Variants in DENND5A observed in about 807,000 individuals in gnomAD.
DENND5A encodes DENN domain containing 5A, also known as DENN domain-containing protein 5A.
Under a neutral mutation model 140.3 loss-of-function variants are expected in DENND5A, and 64 were observed. That is an observed-to-expected ratio of 0.46 (90% CI 0.37 to 0.56). The LOEUF (loss-of-function observed/expected upper bound fraction) is 0.56. DENND5A is among the 20% of genes least tolerant of loss of function. The pLI is 0.00. For synonymous variants in DENND5A, 605 were observed against 607.7 expected (o/e 1.00, Z 0.07); for missense variants, 1,292 against 1,593.8 (o/e 0.81, Z 3.22).
intron 12 of DENND5A, among the ~76,000 whole-genome samples, chr11:9,154,446 G>A (rs1325568775): frequency 6.6e-6 from 1 of 152,076 alleles, no homozygotes; most frequent in African/African-American, 2.4e-5. Context: ...GAATTAATGT[G>A]AAGATTTAAG....
chr11:9,211,826 GGAGGCTGAGGCAGAAGAATCTCTT>G (rs1319096864), intron 1 of DENND5A, among the ~76,000 whole-genome samples: 1 of 151,844 alleles, frequency 6.6e-6, no homozygotes, highest in Non-Finnish European at 1.5e-5. Flanking sequence ...CAGTTACTGG[GGAGGCTGAGGCAGAAGAATCTCTT>G]GAGGTTGAGG....
At chr11:9,184,292 G>A (rs911287189) in intron 5 of DENND5A, among the ~76,000 whole-genome samples, 3 of 152,006 alleles carry the variant, frequency 2.0e-5, no homozygotes, top group African/African-American at 7.2e-5. Context: ...GGCGGAGCTT[G>A]CAGTGAGCCA....
chr11:9,194,690 A>T (rs150315277), intron 4 of DENND5A, among the ~76,000 whole-genome samples: 1 of 151,734 alleles, frequency 6.6e-6, no homozygotes, highest in African/African-American at 2.4e-5. Flanking sequence ...GCTTGTGATC[A>T]TATTTGGCTT....
Position 9,143,007 on chromosome 11 carries a change from G to A in DENND5A, c.3388-162C>T, listed in dbSNP as rs541099427. ...CTGGCACAGTGCCTGGCTCAGAGCA[G>A]CTCCCAGTGAAGAGCTGCTGAATAA... On this transcript the variant is annotated intron_variant, in intron 20 of 22. Coordinates refer to ENST00000328194, the MANE Select transcript of DENND5A (RefSeq NM_015213.4). 8.8e-5 allele frequency: 73 copies of A among 825,154 alleles called. No homozygotes were observed. The African/African-American group carries it at 1.0e-3, about 11-fold the overall frequency. The allele number at this position is 825,154 out of a possible 1,614,324, so 51.1% of individuals were successfully genotyped here.
rs74477828 is a variant in DENND5A, at chr11:9,260,766, A to G, written c.109+4195T>C. Among the ~76,000 whole-genome samples, 185 of 152,366 alleles carry G rather than the reference A, an allele frequency of 1.2e-3. 2 individuals are homozygous for G. In the East Asian group the frequency reaches 0.027, roughly 23 times the overall value. ...AAAGGGAAAGAAGTGACAGGAAGAG[A>G]TTCCTACAAAATCCAATTACCTCAG... On this transcript the variant is annotated intron_variant, in intron 1 of 22. Transcript: ENST00000328194.
At chr11:9,179,587 C>A (rs2136174316) in intron 6 of DENND5A, among the ~76,000 whole-genome samples, 2 of 151,334 alleles carry the variant, frequency 1.3e-5, no homozygotes, top group Middle Eastern at 6.9e-3. Context: ...GCAACCTCTG[C>A]CTCCCAGGTT....
At chr11:9,263,141 T>C (rs4910038) in intron 1 of DENND5A, among the ~76,000 whole-genome samples, 8,944 of 152,278 alleles carry the variant, frequency 0.059, 362 homozygotes, top group South Asian at 0.1. Context: ...CTCCACCTGC[T>C]ATTGAGGAAA....
At chr11:9,251,458 A>C (rs1851716496) in intron 1 of DENND5A, among the ~76,000 whole-genome samples, 1 of 152,176 alleles carries the variant, frequency 6.6e-6, no homozygotes, top group South Asian at 2.1e-4. Flanking sequence ...ACAATATTTG[A>C]GAAACACAAC....
At chr11:9,198,968 A>AATGG (rs1849429690) in intron 4 of DENND5A, among the ~76,000 whole-genome samples, 1 of 137,448 alleles carries the variant, frequency 7.3e-6, no homozygotes, top group Admixed American at 8.1e-5. Flanking sequence ...GAGGCAGGAG[A>AATGG]CTCACTTGAT....
intron 16 of DENND5A, 117 bp from the exon 17 acceptor site, chr11:9,145,932 C>T: frequency 6.4e-6 from 7 of 1,100,514 alleles, no homozygotes; most frequent in Non-Finnish European, 6.7e-6. Context: ...TATCTCAGCT[C>T]AAGCAGAGCC....
chr11:9,204,102 A>G lies in DENND5A; in HGVS notation c.507T>C (p.Ala169=), dbSNP rs1265257480. 1 of 1,614,220 alleles carries G rather than the reference A, an allele frequency of 6.2e-7. No individual in the cohort carries two copies. The highest frequency in any genetic ancestry group is 1.1e-5 in the South Asian group (1 of 91,090). The change falls in exon 4 of 23, where the codon GCT becomes GCC. Residue 169 remains alanine, a synonymous_variant. Coordinates refer to ENST00000328194, the MANE Select transcript of DENND5A (RefSeq NM_015213.4). ...CCATGCTGCTCTGGTCTCTGTCATC[A>G]GCAGGGGGAGCATGTAGGACATCAT... is the stretch of plus-strand genomic sequence containing the variant. ...AEYDVLHAPP[A]DDRDQSSMED...
chr11:9,195,381 C>G (rs2136198774), intron 4 of DENND5A, among the ~76,000 whole-genome samples: 1 of 152,198 alleles, frequency 6.6e-6, no homozygotes, highest in Non-Finnish European at 1.5e-5. Flanking sequence ...TGGCCTAAAA[C>G]TTAAATTTTA....
rs60907416 is a variant in DENND5A, at chr11:9,212,632, G to GA, written c.110-5001dup. Among the ~76,000 whole-genome samples, 15 of 148,200 alleles carry GA rather than the reference G, an allele frequency of 1.0e-4. No homozygotes were observed. The South Asian group carries it at 1.1e-3, about 11-fold the overall frequency. ...GAAAACATGGAACAACACAAGTACT[G>GA]AAAAAAAAACACAAATAAATAAAAA... On this transcript the variant is annotated intron_variant, in intron 1 of 22. Transcript: ENST00000328194.
Position 9,143,505 on chromosome 11 carries a change from C to T in DENND5A, c.3305-20G>A. ...TCAGCTCTAATAAAAATCAAGCAGA[C>T]ATCCCTAACCAATCTCTGAGGCTAA... On this transcript the variant is annotated intron_variant, in intron 19 of 22. Transcript: ENST00000328194. 3 of 1,593,016 alleles carry T rather than the reference C, an allele frequency of 1.9e-6. No homozygotes were observed. Among genetic ancestry groups the T allele is most frequent in the Non-Finnish European group, 2.6e-6 (3 of 1,160,984 alleles).
intron 10 of DENND5A, among the ~76,000 whole-genome samples, chr11:9,166,291 A>G (rs1218648768): frequency 6.6e-6 from 1 of 151,774 alleles, no homozygotes; most frequent in African/African-American, 2.4e-5. Context: ...GTTAGCCAGG[A>G]TGGTCTTTAT....
At chr11:9,169,213 G>A (rs1184152108) in intron 10 of DENND5A, among the ~76,000 whole-genome samples, 3 of 152,162 alleles carry the variant, frequency 2.0e-5, no homozygotes, top group Non-Finnish European at 4.4e-5. Flanking sequence ...TTGCGGGGAT[G>A]AGGCAGGCGG....
chr11:9,145,770 C>G lies in DENND5A; in HGVS notation c.2903G>C (p.Gly968Ala), dbSNP rs759792997. The G allele has an allele frequency of 6.2e-7, 1 of 1,614,086 alleles. No homozygotes were observed. Among genetic ancestry groups the G allele is most frequent in the Non-Finnish European group, 8.5e-7 (1 of 1,179,970 alleles). Residue 968 changes from glycine to alanine, a missense_variant, in exon 17 of 23, where the codon GGC becomes GCC. Coordinates refer to ENST00000328194, the MANE Select transcript of DENND5A (RefSeq NM_015213.4). The part of the protein sequence containing the change: ...ILIVPSKKLG[G>A]SMFTANPWIC... ...CCATGGGTTGGCAGTGAACATGGAG[C>G]CCCCCAGCTTCTTGCTTGGTACGAT... is the stretch of plus-strand genomic sequence containing the variant.
intron 1 of DENND5A, among the ~76,000 whole-genome samples, chr11:9,213,588 A>C (rs1003914630): frequency 1.3e-5 from 2 of 151,488 alleles, no homozygotes; most frequent in Non-Finnish European, 2.9e-5. Context: ...CGGGTGCATC[A>C]ACTGAGGTCA....
In DENND5A at chr11:9,160,713, C is replaced by T. The variant is rs376972969; in HGVS notation, c.2436G>A (p.Gln812=). 4 of 1,609,284 alleles carry T rather than the reference C, an allele frequency of 2.5e-6. No individual in the cohort carries two copies. Among genetic ancestry groups the T allele is most frequent in the Non-Finnish European group, 3.4e-6 (4 of 1,176,440 alleles). Residue 812 remains glutamine, a splice_region_variant and synonymous_variant, in exon 12 of 23, where the codon CAG becomes CAA. Coordinates refer to ENST00000328194, the MANE Select transcript of DENND5A (RefSeq NM_015213.4). ...CAATGAGAGGCAAGACATACATTACCTGTTTCACTTGTAGTCCATGACTCC... is the reference window on the plus strand; with the variant it reads ...CAATGAGAGGCAAGACATACATTACTTGTTTCACTTGTAGTCCATGACTCC... ...RIWSHGLQVK[Q]GKSALWSHLL... is the part of the protein sequence containing the mutation.
Sources: allele counts gnomAD v4.1 joint callset (sites outside exome capture counted in the v4.1 genomes callset), GRCh38; gene constraint gnomAD v4.1.1; transcripts MANE v1.5; gene names NCBI Gene and HGNC (gene_info 2026-07-23, HGNC 2026-07-21).